MYO16: variants seen among roughly 807,000 people sequenced by gnomAD.
The protein encoded by MYO16 is myosin XVI.
Under a neutral mutation model 205.3 loss-of-function variants are expected in MYO16, and 94 were observed. That is an observed-to-expected ratio of 0.46 (90% CI 0.39 to 0.54). The LOEUF (loss-of-function observed/expected upper bound fraction) is 0.54. Ranked by LOEUF, MYO16 falls within the 20% of genes least tolerant of loss-of-function variation. MYO16 has a pLI of 0.00. For synonymous variants in MYO16, 988 were observed against 954.0 expected (o/e 1.04, Z -0.66); for missense variants, 2,315 against 2,387.5 (o/e 0.97, Z 0.63).
Position 108,728,777 on chromosome 13 carries a change from A to T in MYO16, c.507+1194A>T, listed in dbSNP as rs539795138. ...ACATCTCCAAAGACCTTATTCCCCAATAAGATCGCATCTACACTACTAGGG... is the reference window on the plus strand; with the variant it reads ...ACATCTCCAAAGACCTTATTCCCCATTAAGATCGCATCTACACTACTAGGG... On this transcript the variant is annotated intron_variant, in intron 4 of 34. Transcript: ENST00000457511. 2.0e-5 allele frequency among the ~76,000 whole-genome samples: 3 copies of T among 149,256 alleles called. No individual in the cohort carries two copies. The South Asian group carries it at 6.4e-4, about 32-fold the overall frequency.
intron 5 of MYO16, among the ~76,000 whole-genome samples, chr13:108,790,921 T>A (rs555992553): frequency 3.3e-4 from 50 of 152,348 alleles, no homozygotes; most frequent in African/African-American, 1.1e-3. Flanking sequence ...CACTCCATTT[T>A]AAATACATAA....
intron 2 of MYO16, among the ~76,000 whole-genome samples, chr13:108,682,922 T>G (rs1882523702): frequency 6.6e-6 from 1 of 152,204 alleles, no homozygotes; most frequent in Non-Finnish European, 1.5e-5. Context: ...ATCTGATCCC[T>G]GCTGGCAACG....
At chr13:108,874,818 A>T (rs145448438) in intron 12 of MYO16, among the ~76,000 whole-genome samples, 3 of 152,022 alleles carry the variant, frequency 2.0e-5, no homozygotes, top group African/African-American at 7.2e-5. Flanking sequence ...CAAATAGGAC[A>T]CCTACCCAGG....
intron 25 of MYO16, among the ~76,000 whole-genome samples, chr13:109,054,706 C>G (rs1455335539): frequency 4.6e-5 from 7 of 152,080 alleles, no homozygotes; most frequent in African/African-American, 1.7e-4. Flanking sequence ...TTGCCCATTT[C>G]CTCAACTTAT....
Position 109,029,530 on chromosome 13 carries a change from A to C in MYO16, c.2796+9619A>C, listed in dbSNP as rs572311492. Among the ~76,000 whole-genome samples the C allele has an allele frequency of 2.0e-5, 3 of 152,290 alleles. No individual in the cohort carries two copies. The South Asian group carries it at 6.2e-4, about 32-fold the overall frequency. On this transcript the variant is annotated intron_variant, in intron 23 of 34. Coordinates refer to ENST00000457511, the MANE Select transcript of MYO16 (RefSeq NM_001198950.3). ...TCTGAGATTGAACTTTTAAATTAAA[A>C]AACAAAAAACATGAACTAATCAACA...
At chr13:108,521,758 T>G in the MYO16 span, among the ~76,000 whole-genome samples, 1 of 152,012 alleles carries the variant, frequency 6.6e-6, no homozygotes, top group Admixed American at 6.6e-5. Context: ...TTTTCTTTCC[T>G]GTGACTAGTC....
At chr13:108,671,604 A>G (rs745602846) in intron 2 of MYO16, among the ~76,000 whole-genome samples, 7 of 152,192 alleles carry the variant, frequency 4.6e-5, no homozygotes, top group Non-Finnish European at 8.8e-5. Flanking sequence ...ATAATTTCAA[A>G]TGCATTATTG....
At chr13:108,621,823 A>G (rs1259933716) in intron 1 of MYO16, among the ~76,000 whole-genome samples, 1 of 152,206 alleles carries the variant, frequency 6.6e-6, no homozygotes, top group East Asian at 1.9e-4. Flanking sequence ...AGAGAGAGAC[A>G]ATGAGAGACA....
intron 2 of MYO16, among the ~76,000 whole-genome samples, chr13:108,676,403 G>GTGTGTGTGTGTGTGTGTGTT (rs143639000): frequency 4.9e-4 from 73 of 148,334 alleles, no homozygotes; most frequent in South Asian, 8.8e-4. Context: ...GTGTGTGTGT[G>GTGTGTGTGTGTGTGTGTGTT]TGTGCCAGCC....
chr13:109,161,175 C>T (rs535913643), intron 32 of MYO16, among the ~76,000 whole-genome samples: 14 of 152,178 alleles, frequency 9.2e-5, no homozygotes, highest in South Asian at 2.1e-4. Flanking sequence ...ATACTGAAGC[C>T]GCAGCACTAT....
At chr13:108,950,852 T>A (rs1266520728) in intron 16 of MYO16, among the ~76,000 whole-genome samples, 1 of 152,224 alleles carries the variant, frequency 6.6e-6, no homozygotes, top group Middle Eastern at 3.2e-3. Flanking sequence ...ACTGGAATAC[T>A]GCTCGGCAGC....
In MYO16 at chr13:109,061,950, C is replaced by A. The variant is rs112996669; in HGVS notation, c.3335+6355C>A. ...TTAGAGTTCCTTAGATCTGTGACAT[C>A]AAAGATTCTCTTCATTAAAGGGACC... On this transcript the variant is annotated intron_variant, in intron 27 of 34. Transcript: ENST00000457511. Among the ~76,000 whole-genome samples, 20 of 152,186 alleles carry A rather than the reference C, an allele frequency of 1.3e-4. 1 individual carries two copies. The highest frequency in any genetic ancestry group is 4.1e-4 in the African/African-American group (17 of 41,534).
chr13:108,974,703 T>G (rs1046844345), intron 20 of MYO16, among the ~76,000 whole-genome samples: 4 of 152,170 alleles, frequency 2.6e-5, no homozygotes, highest in Non-Finnish European at 1.5e-5. Flanking sequence ...TCCTAATAGA[T>G]GGATAACATA....
chr13:109,012,052 A>AT (rs1885620396), intron 22 of MYO16, among the ~76,000 whole-genome samples: 2 of 152,188 alleles, frequency 1.3e-5, no homozygotes, highest in Non-Finnish European at 2.9e-5. Flanking sequence ...GCACAGTGAG[A>AT]ACGATTAAGA....
At chr13:108,864,850 T>G (rs964002829) in intron 11 of MYO16, among the ~76,000 whole-genome samples, 2 of 152,198 alleles carry the variant, frequency 1.3e-5, no homozygotes, top group Non-Finnish European at 2.9e-5. Context: ...GATGCCTTGA[T>G]GTACATACAC....
At chr13:108,606,128 A>T (rs546211885) in intron 1 of MYO16, among the ~76,000 whole-genome samples, 1 of 152,318 alleles carries the variant, frequency 6.6e-6, no homozygotes, top group Admixed American at 6.5e-5. Context: ...ACTTATGTTT[A>T]AAAGGGAAGC....
At chr13:108,909,533 A>G (rs569484010) in intron 15 of MYO16, among the ~76,000 whole-genome samples, 1 of 151,750 alleles carries the variant, frequency 6.6e-6, no homozygotes, top group South Asian at 2.1e-4. Context: ...GTGAGGGACC[A>G]TGGTCTGTCT....
chr13:108,770,741 G>A (rs9521026), intron 4 of MYO16, among the ~76,000 whole-genome samples: 49,796 of 152,024 alleles, frequency 0.33, 9,324 homozygotes, highest in East Asian at 0.64. Flanking sequence ...GAGAGCCCAG[G>A]TGAGAAAATA....
At chr13:109,036,057 G>A (rs1015700425) in intron 23 of MYO16, among the ~76,000 whole-genome samples, 7 of 152,164 alleles carry the variant, frequency 4.6e-5, no homozygotes, top group Non-Finnish European at 1.0e-4. Context: ...TCACAGTTTT[G>A]CATTATTCTC....
Sources: gnomAD v4.1 joint callset for allele counts (sites outside exome capture counted in the v4.1 genomes callset) on GRCh38, gnomAD v4.1.1 for gene constraint, MANE v1.5 for transcripts, NCBI Gene and HGNC (gene_info 2026-07-23, HGNC 2026-07-21) for gene names.